Variants in GEMIN6 observed in about 807,000 individuals in gnomAD.
GEMIN6 encodes the protein gem nuclear organelle associated protein 6.
In GEMIN6, 13 loss-of-function variants were observed where a neutral mutation model predicts 14.1. The observed-to-expected ratio is 0.92, with a 90% confidence interval of 0.60 to 1.46. The LOEUF is 1.46. Among genes scored for constraint, GEMIN6 ranks in the 40% most tolerant of loss-of-function variants. GEMIN6 has a pLI of 0.00. For missense variants in GEMIN6, 271 were observed against 202.4 expected (o/e 1.34, Z -2.06); for synonymous variants, 87 against 70.0 (o/e 1.24, Z -1.21).
intron 2 of GEMIN6, among the ~76,000 whole-genome samples, chr2:38,780,058 C>T (rs1418975730): frequency 6.6e-6 from 1 of 151,590 alleles, no homozygotes; most frequent in East Asian, 2.0e-4. Context: ...GTGGCTCACG[C>T]CTGTAATCCC....
rs1572594908 is a variant in GEMIN6, at chr2:38,782,825, C to G, written c.*933C>G. On this transcript the variant is annotated 3_prime_UTR_variant, in exon 3 of 3. Transcript: ENST00000281950. ...AAAAAAAAAAAAAATTATTGGAACA[C>G]AGCATTACCTATTGAATTACAGTTT... 1 of 151,788 alleles carries G rather than the reference C, an allele frequency of 6.6e-6. No homozygotes were observed. The highest frequency in any genetic ancestry group is 1.9e-4 in the East Asian group (1 of 5,162). The allele number at this position is 151,788 out of a possible 1,614,324, so 9.4% of individuals were successfully genotyped here.
chr2:38,782,275 C>A lies in GEMIN6; in HGVS notation c.*383C>A, dbSNP rs985528774. The A allele has an allele frequency of 1.2e-5, 2 of 165,498 alleles. No homozygotes were observed. The highest frequency in any genetic ancestry group is 2.6e-5 in the Non-Finnish European group (2 of 77,006). The allele number at this position is 165,498 out of a possible 1,614,324, so 10.3% of individuals were successfully genotyped here. A position where few individuals can be genotyped will look rare whatever the true frequency, so the allele number is the denominator to read the frequency against. ...TCCCCTGCCTCAGCCTCTCGAGTAG[C>A]TGGGACTACAGGTGCACGCCACCAC... is the stretch of plus-strand genomic sequence containing the variant. On this transcript the variant is annotated 3_prime_UTR_variant, in exon 3 of 3. Transcript: ENST00000281950.
chr2:38,779,967 G>A (rs1669043304), intron 2 of GEMIN6, among the ~76,000 whole-genome samples: 1 of 150,750 alleles, frequency 6.6e-6, no homozygotes, highest in African/African-American at 2.4e-5. Flanking sequence ...ATAGGCTTGA[G>A]CCACCGTCCC....
chr2:38,779,131 C>A lies in GEMIN6; in HGVS notation c.128+13C>A. 6.2e-7 allele frequency: 1 copy of A among 1,603,712 alleles called. No individual in the cohort carries two copies. On this transcript the variant is annotated intron_variant, in intron 2 of 2. Coordinates refer to ENST00000281950, the MANE Select transcript of GEMIN6 (RefSeq NM_024775.10). ...CAGTCTCTGCCAAGTGAGTATGCATCCTACTTGCCTGAAATCTTGACACCC... is the reference window on the plus strand; with the variant it reads ...CAGTCTCTGCCAAGTGAGTATGCATACTACTTGCCTGAAATCTTGACACCC...
intron 2 of GEMIN6, among the ~76,000 whole-genome samples, chr2:38,780,009 T>C (rs2148513410): frequency 6.6e-6 from 1 of 151,050 alleles, no homozygotes; most frequent in African/African-American, 2.4e-5. Context: ...AATACTTCAC[T>C]ATATCTCTTA....
rs1572591599 is a variant in GEMIN6, at chr2:38,778,934, G to T, written c.-19-38G>T. The T allele has an allele frequency of 7.1e-6, 11 of 1,543,758 alleles. No individual in the cohort carries two copies. The East Asian group carries it at 2.1e-4, about 29-fold the overall frequency. ...GATTAGGGATAAGACATTTGCTTAC[G>T]TGGAACATATATTAACCAGCACTGG... On this transcript the variant is annotated intron_variant, in intron 1 of 2. Coordinates refer to ENST00000281950, the MANE Select transcript of GEMIN6 (RefSeq NM_024775.10).
rs1669016654 is a variant in GEMIN6, at chr2:38,779,110, C to G, written c.120C>G (p.Val40=). The G allele has an allele frequency of 1.2e-6, 2 of 1,612,492 alleles. No individual in the cohort carries two copies. The highest frequency in any genetic ancestry group is 1.7e-6 in the Non-Finnish European group (2 of 1,179,260). Residue 40 remains valine (V), a synonymous_variant, in exon 2 of 3, where the codon GTC becomes GTG. Coordinates refer to ENST00000281950, the MANE Select transcript of GEMIN6 (RefSeq NM_024775.10). ...YKGWVLTTDP[V]SANIVLVNFL... is the part of the protein sequence containing the mutation. ...GATGGGTTTTAACTACAGACCCAGT[C>G]TCTGCCAAGTGAGTATGCATCCTAC...
At chr2:38,779,525 C>T (rs371390509) in intron 2 of GEMIN6, 5 of 197,658 alleles carry the variant, frequency 2.5e-5, no homozygotes, top group African/African-American at 7.3e-5. Flanking sequence ...TCACTGTACC[C>T]GGCCTACATA....
In GEMIN6 at chr2:38,781,977, GTGTGTGTGTA is replaced by G. The variant is rs957909987; in HGVS notation, c.*95_*104del. On this transcript the variant is annotated 3_prime_UTR_variant, in exon 3 of 3. Transcript: ENST00000281950. ...GTTTTAAATGTAAATGTACATGACT[GTGTGTGTGTA>G]TGTGTGTGTGTGTATAATTCTTTGT... 7.8e-7 allele frequency: 1 copy of G among 1,277,104 alleles called. No homozygotes were observed. The highest frequency in any genetic ancestry group is 1.5e-5 in the African/African-American group (1 of 67,222). The allele number at this position is 1,277,104 out of a possible 1,614,324, so 79.1% of individuals were successfully genotyped here. A position where few individuals can be genotyped will look rare whatever the true frequency, so the allele number is the denominator to read the frequency against.
Position 38,781,521 on chromosome 2 carries a change from G to A in GEMIN6, c.133G>A (p.Val45Ile), listed in dbSNP as rs773403238. The A allele has an allele frequency of 5.6e-6, 9 of 1,609,268 alleles. No individual in the cohort carries two copies. The East Asian group carries it at 8.9e-5, about 16-fold the overall frequency. The change falls in exon 3 of 3, where the codon GTC becomes ATC. Residue 45 changes from valine (V) to isoleucine (I), a missense_variant. Val to Ile is a conservative substitution (Grantham distance 29). Coordinates refer to ENST00000281950, the MANE Select transcript of GEMIN6 (RefSeq NM_024775.10). ...LTTDPVSANI[V>I]LVNFLEDGSM... ...AAACTTACTTTTCCTCCAAAGTATT[G>A]TCCTTGTGAACTTCCTTGAAGATGG...
At chr2:38,781,418 T>C (rs1558338566) in intron 2 of GEMIN6, 99 bp from the exon 3 acceptor site, 6 of 1,214,490 alleles carry the variant, frequency 4.9e-6, no homozygotes, top group Non-Finnish European at 7.0e-6. Flanking sequence ...GAAGCATTCA[T>C]TGGTGACAGG....
In GEMIN6 at chr2:38,781,515, A is replaced by G. The variant is rs1450509956; in HGVS notation, c.129-2A>G. On this transcript the variant is annotated splice_acceptor_variant, in intron 2 of 2. Coordinates refer to ENST00000281950, the MANE Select transcript of GEMIN6 (RefSeq NM_024775.10). LOFTEE classifies it high-confidence loss of function. ...GCCTCTAAACTTACTTTTCCTCCAA[A>G]GTATTGTCCTTGTGAACTTCCTTGA... 2.5e-6 allele frequency: 4 copies of G among 1,598,528 alleles called. No individual in the cohort carries two copies. The highest frequency in any genetic ancestry group is 3.4e-6 in the Non-Finnish European group (4 of 1,172,060).
chr2:38,781,613 C>T lies in GEMIN6; in HGVS notation c.225C>T (p.Asp75=). The change falls in exon 3 of 3, where the codon GAC becomes GAT. Residue 75 remains aspartate, a synonymous_variant. Coordinates refer to ENST00000281950, the MANE Select transcript of GEMIN6 (RefSeq NM_024775.10). ...CTGTTGAAACTATGAATGAAGGGGA[C>T]CATAGAGTGAGGGAGAAGCTGATGC... is the stretch of plus-strand genomic sequence containing the variant. ...VQTVETMNEG[D]HRVREKLMHL... 2 of 1,614,036 alleles carry T rather than the reference C, an allele frequency of 1.2e-6. No individual in the cohort carries two copies. Among genetic ancestry groups the T allele is most frequent in the Non-Finnish European group, 1.7e-6 (2 of 1,180,004 alleles).
intron 1 of GEMIN6, among the ~76,000 whole-genome samples, chr2:38,778,669 T>C (rs1204541401): frequency 6.6e-6 from 1 of 152,152 alleles, no homozygotes; most frequent in Non-Finnish European, 1.5e-5. Context: ...CTGTGCCAGA[T>C]GAATTTCCTC....
chr2:38,778,961 G>A lies in GEMIN6; in HGVS notation c.-19-11G>A. The A allele has an allele frequency of 6.2e-7, 1 of 1,602,176 alleles. No individual in the cohort carries two copies. On this transcript the variant is annotated splice_polypyrimidine_tract_variant and intron_variant, in intron 1 of 2. Transcript: ENST00000281950. ...GGAACATATATTAACCAGCACTGGT[G>A]GTTGTTTCAGATTTAGCCAGGTGGC...
chr2:38,780,040 C>CGG (rs1337684085), intron 2 of GEMIN6, among the ~76,000 whole-genome samples: 3 of 149,596 alleles, frequency 2.0e-5, no homozygotes, highest in Non-Finnish European at 3.0e-5. Context: ...ACTTTAAGGC[C>CGG]GGGCATGGTG....
rs886850298 is a variant in GEMIN6, at chr2:38,784,517, C to T, written c.*2625C>T. 2.9e-5 allele frequency: 4 copies of T among 138,596 alleles called. No homozygotes were observed. The highest frequency in any genetic ancestry group is 7.8e-5 in the Admixed American group (1 of 12,828). The allele number at this position is 138,596 out of a possible 1,614,324, so 8.6% of individuals were successfully genotyped here. A position where few individuals can be genotyped will look rare whatever the true frequency, so the allele number is the denominator to read the frequency against. Reference sequence around the variant, plus strand: ...ACGCATTCCAGCTTGGGCAGCAGAACGAGACTCTGTCTCAAAAAAAAAAAA... The same window carrying T: ...ACGCATTCCAGCTTGGGCAGCAGAATGAGACTCTGTCTCAAAAAAAAAAAA... On this transcript the variant is annotated 3_prime_UTR_variant, in exon 3 of 3. Coordinates refer to ENST00000281950, the MANE Select transcript of GEMIN6 (RefSeq NM_024775.10).
At chr2:38,781,224 T>C (rs1209118393) in intron 2 of GEMIN6, among the ~76,000 whole-genome samples, 1 of 152,090 alleles carries the variant, frequency 6.6e-6, no homozygotes, top group Non-Finnish European at 1.5e-5. Context: ...CGCCTCGGCC[T>C]CCCAAAGTGC....
At chr2:38,780,433 C>G (rs545916674) in intron 2 of GEMIN6, among the ~76,000 whole-genome samples, 1 of 151,766 alleles carries the variant, frequency 6.6e-6, no homozygotes, top group Non-Finnish European at 1.5e-5. Context: ...GGCGTGATCT[C>G]AGTTCACTGC....
Sources: allele counts gnomAD v4.1 joint callset (sites outside exome capture counted in the v4.1 genomes callset), GRCh38; gene constraint gnomAD v4.1.1; transcripts MANE v1.5; gene names NCBI Gene and HGNC (gene_info 2026-07-23, HGNC 2026-07-21).